The following ARHGEF12 variants were observed in gnomAD, a reference collection of about 807,000 sequenced individuals.
ARHGEF12 encodes KMT2A/ARHGEF12 fusion protein.
Under a neutral mutation model 211.2 loss-of-function variants are expected in ARHGEF12, and 66 were observed. The observed-to-expected ratio is 0.31, with a 90% CI of 0.26 to 0.38. The LOEUF (loss-of-function observed/expected upper bound fraction) is 0.38. Among genes scored for constraint, ARHGEF12 ranks in the 10% least tolerant of loss-of-function variants. The pLI, the probability that ARHGEF12 is intolerant of heterozygous loss-of-function variation, is 1.00. For missense variants in ARHGEF12, 1,429 were observed against 1,869.5 expected, an observed-to-expected ratio of 0.76 and a Z score of 4.34; for synonymous variants, 592 against 638.4, an observed-to-expected ratio of 0.93 and a Z score of 1.09.
intron 39 of ARHGEF12, among the ~76,000 whole-genome samples, chr11:120,482,459 A>G (rs1263508819): frequency 6.6e-6 from 1 of 152,156 alleles, no homozygotes; most frequent in Non-Finnish European, 1.5e-5. Flanking sequence ...AAAGTTTTCC[A>G]TCAGAGGCAG....
chr11:120,370,668 CAA>C (rs1943564203), intron 1 of ARHGEF12, among the ~76,000 whole-genome samples: 1 of 151,960 alleles, frequency 6.6e-6, no homozygotes, highest in Non-Finnish European at 1.5e-5. Context: ...TAATTGTATC[CAA>C]AAGTCTTAAA....
At position 120,459,299 on chromosome 11, in the gene ARHGEF12, G is replaced by A. The variant is rs1946453415; in HGVS notation, c.2506G>A (p.Glu836Lys). Residue 836 changes from glutamate to lysine, a missense_variant, in exon 26 of 41, where the codon GAA (glutamate) becomes AAA (lysine). Coordinates refer to ENST00000397843, the MANE Select transcript of ARHGEF12 (RefSeq NM_015313.3). ...GCTACGGAAAATTTTTTCAAACTTG[G>A]AAGATATTCTTCAACTTCATAGTAA... is the stretch of plus-strand genomic sequence containing the variant. ...SELRKIFSNL[E>K]DILQLHIGLN... is the part of the protein sequence containing the mutation. 6.2e-6 allele frequency: 10 copies of A among 1,613,110 alleles called. No homozygotes were observed. Among genetic ancestry groups the A allele is most frequent in the African/African-American group, 2.7e-5 (2 of 74,988 alleles).
At chr11:120,459,597 A>G (rs577803380) in intron 26 of ARHGEF12, among the ~76,000 whole-genome samples, 16 of 152,262 alleles carry the variant, frequency 1.1e-4, no homozygotes, top group African/African-American at 3.9e-4. Flanking sequence ...TCTATCAATT[A>G]TAGTATATAT....
At position 120,347,270 on chromosome 11, in the gene ARHGEF12, C is replaced by CTGTGTGTGTGTG. The variant is rs55651421; in HGVS notation, c.32+10021_32+10032dup. Among the ~76,000 whole-genome samples, 225 of 79,866 alleles carry CTGTGTGTGTGTG rather than the reference C, an allele frequency of 2.8e-3. 1 individual carries two copies. The highest frequency in any genetic ancestry group is 9.9e-3 in the African/African-American group (215 of 21,792). The allele number at this position is 79,866 out of a possible 152,430, so 52.4% of individuals were successfully genotyped here. A position where few individuals can be genotyped will look rare whatever the true frequency, so the allele number is the denominator to read the frequency against. On this transcript the variant is annotated intron_variant, in intron 1 of 40. Coordinates refer to ENST00000397843, the MANE Select transcript of ARHGEF12 (RefSeq NM_015313.3). ...TTTCTCTCTCTCTCTCTCTCTCTGT[C>CTGTGTGTGTGTG]TGTGTGTGTGTGTGTGTGTGTGTGT...
chr11:120,382,945 C>G (rs981652746), intron 1 of ARHGEF12, among the ~76,000 whole-genome samples: 1 of 152,166 alleles, frequency 6.6e-6, no homozygotes, highest in Non-Finnish European at 1.5e-5. Context: ...TGAGACCATC[C>G]TGGCTAACAT....
At chr11:120,451,469 A>G (rs576311394) in intron 21 of ARHGEF12, 43 bp from the exon 22 acceptor site, 52 of 1,596,230 alleles carry the variant, frequency 3.3e-5, no homozygotes, top group South Asian at 2.6e-4. Flanking sequence ...GAGCCACCGC[A>G]CCCAGCCGCA....
chr11:120,481,751 T>C (rs1947243801), intron 39 of ARHGEF12, among the ~76,000 whole-genome samples, 175 bp downstream of exon 39: 1 of 151,774 alleles, frequency 6.6e-6, no homozygotes, highest in South Asian at 2.1e-4. Flanking sequence ...TTTATCTTTT[T>C]CTTTCTTTCT....
intron 4 of ARHGEF12, among the ~76,000 whole-genome samples, chr11:120,412,468 G>A (rs1944913599): frequency 6.6e-6 from 1 of 152,218 alleles, no homozygotes; most frequent in Admixed American, 6.5e-5. Context: ...TTCCCTTGCT[G>A]GCTTGCAGAT....
At chr11:120,468,411 A>G (rs1946767791) in intron 29 of ARHGEF12, among the ~76,000 whole-genome samples, 1 of 152,238 alleles carries the variant, frequency 6.6e-6, no homozygotes. Flanking sequence ...TATTATAGAC[A>G]TGACATAGCC....
intron 1 of ARHGEF12, among the ~76,000 whole-genome samples, chr11:120,344,309 A>G (rs1158714768): frequency 6.8e-6 from 1 of 148,062 alleles, no homozygotes; most frequent in Non-Finnish European, 1.5e-5. Context: ...AGACTTCATC[A>G]GCCTCTGAAG....
chr11:120,442,425 T>TACACACACACAC (rs1328758570), intron 15 of ARHGEF12, among the ~76,000 whole-genome samples: 3 of 130,494 alleles, frequency 2.3e-5, no homozygotes, highest in Non-Finnish European at 5.0e-5. Context: ...TATATATATA[T>TACACACACACAC]ATACACACAC....
In ARHGEF12 at chr11:120,403,494, G is replaced by A. The variant is rs146603047; in HGVS notation, c.33-2624G>A. Among the ~76,000 whole-genome samples, 411 of 150,478 alleles carry A rather than the reference G, an allele frequency of 2.7e-3. 7 individuals are homozygous for A. The highest frequency in any genetic ancestry group is 0.02 in the Admixed American group (305 of 15,118). ...TGCACTCCAGCCTGGGTGACAAAGC[G>A]AGACTTAATCGAAAAAAGAAAAGGA... On this transcript the variant is annotated intron_variant, in intron 1 of 40. Coordinates refer to ENST00000397843, the MANE Select transcript of ARHGEF12 (RefSeq NM_015313.3).
chr11:120,377,731 A>G (rs1036909940), intron 1 of ARHGEF12, among the ~76,000 whole-genome samples: 12 of 152,122 alleles, frequency 7.9e-5, no homozygotes, highest in African/African-American at 2.7e-4. Flanking sequence ...ATAGTATTAC[A>G]TTGTGTGAAT....
At chr11:120,411,994 A>G (rs1384143317) in intron 4 of ARHGEF12, among the ~76,000 whole-genome samples, 1 of 152,090 alleles carries the variant, frequency 6.6e-6, no homozygotes, top group African/African-American at 2.4e-5. Flanking sequence ...TACTTTGTGC[A>G]TCTTAAAAGG....
At chr11:120,443,688 TTTAG>T (rs537597360) in intron 15 of ARHGEF12, among the ~76,000 whole-genome samples, 22 of 152,338 alleles carry the variant, frequency 1.4e-4, no homozygotes, top group East Asian at 1.2e-3. Context: ...AGAACTTTTA[TTTAG>T]TTAGTTAGTT....
chr11:120,460,351 T>A (rs1946490901), intron 26 of ARHGEF12, among the ~76,000 whole-genome samples: 1 of 152,216 alleles, frequency 6.6e-6, no homozygotes, highest in Non-Finnish European at 1.5e-5. Flanking sequence ...ACAGAATTAC[T>A]TGTACTGTTT....
chr11:120,483,781 A>AT (rs1277723737), intron 39 of ARHGEF12, among the ~76,000 whole-genome samples: 3 of 151,824 alleles, frequency 2.0e-5, no homozygotes, highest in Non-Finnish European at 4.4e-5. Context: ...TGCCCGGCTA[A>AT]TTTTTTTTAT....
At chr11:120,373,965 G>A (rs1210509841) in intron 1 of ARHGEF12, among the ~76,000 whole-genome samples, 1 of 151,988 alleles carries the variant, frequency 6.6e-6, no homozygotes, top group African/African-American at 2.4e-5. Flanking sequence ...GCACCACCAC[G>A]CCCGGCTAAT....
chr11:120,446,198 AAATAATAATAATAATAAT>A (rs59459827), intron 16 of ARHGEF12, among the ~76,000 whole-genome samples, 187 bp from the exon 17 acceptor site: 4 of 140,366 alleles, frequency 2.8e-5, no homozygotes, highest in Admixed American at 1.4e-4. Flanking sequence ...ACTCCATCTC[AAATAATAATAATAATAAT>A]AATAATAATA....
Sources: gnomAD v4.1 joint callset for allele counts (sites outside exome capture counted in the v4.1 genomes callset) on GRCh38, gnomAD v4.1.1 for gene constraint, MANE v1.5 for transcripts, NCBI Gene and HGNC (gene_info 2026-07-23, HGNC 2026-07-21) for gene names.